Variants in ACSF2 observed in about 807,000 individuals in gnomAD.
ACSF2 encodes the protein acyl-CoA synthetase family member 2, also known as medium-chain acyl-CoA ligase ACSF2, mitochondrial.
ACSF2 carries 52 observed loss-of-function variants against 79.3 expected under a neutral mutation model. That is an observed-to-expected ratio of 0.66 (90% CI 0.53 to 0.83). The LOEUF (loss-of-function observed/expected upper bound fraction) is 0.83. Among genes scored for constraint, ACSF2 ranks in the 40% least tolerant of loss-of-function variants. ACSF2 has a pLI of 0.00. For synonymous variants in ACSF2, 283 were observed against 312.6 expected (o/e 0.91, Z 1.00); for missense variants, 661 against 803.3 (o/e 0.82, Z 2.14).
chr17:50,427,864 G>T (rs1915141405), intron 1 of ACSF2, among the ~76,000 whole-genome samples: 1 of 152,188 alleles, frequency 6.6e-6, no homozygotes, highest in African/African-American at 2.4e-5. Flanking sequence ...AAGCTTCAGA[G>T]AAATTCTTAT....
chr17:50,467,955 G>A lies in ACSF2; in HGVS notation c.1216-3073G>A, dbSNP rs567400128. On this transcript the variant is annotated intron_variant, in intron 10 of 15. Transcript: ENST00000300441. ...GAGGGACAGGGAACCTGGGGACGGGGGATGGTGCCAGCTGTGGCCCTGGCT... is the reference window on the plus strand; with the variant it reads ...GAGGGACAGGGAACCTGGGGACGGGAGATGGTGCCAGCTGTGGCCCTGGCT... 3.6e-6 allele frequency: 5 copies of A among 1,402,796 alleles called. No individual in the cohort carries two copies. The African/African-American group carries it at 4.3e-5, about 12-fold the overall frequency. The allele number at this position is 1,402,796 out of a possible 1,614,324, so 86.9% of individuals were successfully genotyped here.
chr17:50,473,447 G>A, intron 12 of ACSF2: 5 of 587,800 alleles, frequency 8.5e-6, no homozygotes, highest in South Asian at 4.1e-5. Flanking sequence ...TGTGTTGAGA[G>A]AGACAGAATA....
intron 2 of ACSF2, 49 bp from the exon 3 acceptor site, chr17:50,461,193 C>T: frequency 6.2e-7 from 1 of 1,612,528 alleles, no homozygotes; most frequent in Non-Finnish European, 8.5e-7. Context: ...GTCTTGGGCC[C>T]CTTCCTGCTT....
At position 50,472,400 on chromosome 17, in the gene ACSF2, G is replaced by A. The variant is rs1407980255; in HGVS notation, c.1324-28G>A. The A allele has an allele frequency of 1.9e-6, 3 of 1,603,340 alleles. No individual in the cohort carries two copies. In the South Asian group the frequency reaches 3.4e-5, roughly 18 times the overall value. Reference sequence around the variant, plus strand: ...CTATCCTGAAGCAAGAGGATAGGAAGCCCCAACCTGAGGCCATCCTGTCCC... The same window carrying A: ...CTATCCTGAAGCAAGAGGATAGGAAACCCCAACCTGAGGCCATCCTGTCCC... On this transcript the variant is annotated intron_variant, in intron 11 of 15. Coordinates refer to ENST00000300441, the MANE Select transcript of ACSF2 (RefSeq NM_025149.6).
At chr17:50,468,376 C>T (rs749134619) in intron 10 of ACSF2, 4 of 1,614,042 alleles carry the variant, frequency 2.5e-6, no homozygotes, top group African/African-American at 2.7e-5. Context: ...AGAGGTTGAC[C>T]AGCGGGGAGA....
At chr17:50,466,559 C>G (rs1044882587) in intron 10 of ACSF2, among the ~76,000 whole-genome samples, 33 of 152,302 alleles carry the variant, frequency 2.2e-4, no homozygotes, top group African/African-American at 7.7e-4. Flanking sequence ...GAGTTTGGCC[C>G]CAGCAATCCA....
chr17:50,470,917 C>G, intron 10 of ACSF2, 111 bp from the exon 11 acceptor site: 20 of 780,450 alleles, frequency 2.6e-5, no homozygotes, highest in Non-Finnish European at 3.7e-5. Flanking sequence ...CATTCGGCTG[C>G]CCTCCACTTT....
At chr17:50,468,444 C>T (rs770831671) in intron 10 of ACSF2, 9 of 1,614,138 alleles carry the variant, frequency 5.6e-6, no homozygotes, top group East Asian at 4.5e-5. Context: ...TAGGTCAGCT[C>T]GGTCAGGTCG....
In ACSF2 at chr17:50,471,058, G is replaced by A. The variant is rs142467151; in HGVS notation, c.1246G>A (p.Val416Met). ...TTATGGAACCACAGAGAACAGTCCC[G>A]TGACATTCGCGCACTTCCCTGAGGA... ...VAYGTTENSP[V>M]TFAHFPEDTV... Residue 416 changes from valine to methionine, a missense_variant, in exon 11 of 16, where the codon GTG becomes ATG. By Grantham distance (21) the Val-to-Met change is conservative (BLOSUM62 1). Coordinates refer to ENST00000300441, the MANE Select transcript of ACSF2 (RefSeq NM_025149.6). This position sits in a 1 kb window ranked among gnomAD's most constrained non-coding sequence, Gnocchi z 4.1. 2,428 of 1,614,030 alleles carry A rather than the reference G, an allele frequency of 1.5e-3. 7 individuals are homozygous for A. The highest frequency in any genetic ancestry group is 1.3e-3 in the Non-Finnish European group (1,565 of 1,179,996).
rs1363290702 is a variant in ACSF2 at position 50,426,378 on chromosome 17, C to A, written c.117C>A (p.Val39=). 4.4e-6 allele frequency: 6 copies of A among 1,376,248 alleles called. No homozygotes were observed. Among genetic ancestry groups the A allele is most frequent in the Non-Finnish European group, 4.7e-6 (5 of 1,057,728 alleles). The allele number at this position is 1,376,248 out of a possible 1,614,324, so 85.3% of individuals were successfully genotyped here. A position where few individuals can be genotyped will look rare whatever the true frequency, so the allele number is the denominator to read the frequency against. ...GGCAGGAAGCCAGGTTGCAGGGTGT[C>A]CGCTTCCTCAGGTACTGGCCCCCCG... ...RSWQEARLQG[V]RFLSSREVDR... is the part of the protein sequence containing the mutation. Residue 39 remains valine, a synonymous_variant, in exon 1 of 16, where the codon GTC becomes GTA. Coordinates refer to ENST00000300441, the MANE Select transcript of ACSF2 (RefSeq NM_025149.6).
chr17:50,457,797 G>C (rs749212752), intron 1 of ACSF2, among the ~76,000 whole-genome samples: 42 of 152,190 alleles, frequency 2.8e-4, no homozygotes, highest in Non-Finnish European at 5.3e-4. Flanking sequence ...CTGGCACATA[G>C]TAGGTGCTCA....
intron 1 of ACSF2, among the ~76,000 whole-genome samples, chr17:50,454,457 T>C (rs1253436951): frequency 1.3e-5 from 2 of 152,264 alleles, no homozygotes; most frequent in East Asian, 3.9e-4. Context: ...GTGTGGTAGC[T>C]CCTGCTGTCC....
chr17:50,467,798 C>A (rs138899407), intron 10 of ACSF2: 1 of 477,030 alleles, frequency 2.1e-6, no homozygotes, highest in Non-Finnish European at 3.7e-6. Context: ...GGGGCCAGGG[C>A]AGTCCCACTC....
intron 1 of ACSF2, among the ~76,000 whole-genome samples, chr17:50,435,479 C>T (rs1012423611): frequency 6.6e-6 from 1 of 151,848 alleles, no homozygotes; most frequent in Non-Finnish European, 1.5e-5. Flanking sequence ...GGTGCAACCA[C>T]GGCTCAGTGC....
chr17:50,473,624 C>T, intron 12 of ACSF2, 41 bp from the exon 13 acceptor site: 1 of 1,613,068 alleles, frequency 6.2e-7, no homozygotes, highest in Non-Finnish European at 8.5e-7. Flanking sequence ...AGTGAGTGAA[C>T]AAGGCAGAGA....
At position 50,463,076 on chromosome 17, in the gene ACSF2, T is replaced by A; in HGVS notation, c.793-80T>A. On this transcript the variant is annotated intron_variant, in intron 6 of 15. Transcript: ENST00000300441. The surrounding 1 kb of genome is among the most constrained non-coding windows in gnomAD (Gnocchi z 4.6). Reference sequence around the variant, plus strand: ...ACAATCCCTGTCTCCTGATTCCCGGTCCCGTGCTCTTCAAGGCAGTGGCCC... The same window carrying A: ...ACAATCCCTGTCTCCTGATTCCCGGACCCGTGCTCTTCAAGGCAGTGGCCC... The A allele has an allele frequency of 8.6e-7, 1 of 1,164,044 alleles. No homozygotes were observed. The highest frequency in any genetic ancestry group is 1.3e-6 in the Non-Finnish European group (1 of 789,902). The allele number at this position is 1,164,044 out of a possible 1,614,324, so 72.1% of individuals were successfully genotyped here.
intron 1 of ACSF2, among the ~76,000 whole-genome samples, chr17:50,428,283 C>CAACAT (rs1915193282): frequency 7.9e-5 from 12 of 151,346 alleles, no homozygotes; most frequent in African/African-American, 2.9e-4. Flanking sequence ...GTCAGGAGAC[C>CAACAT]GGTTTGGCCA....
Position 50,474,496 on chromosome 17 carries a change from C to T in ACSF2, c.1798-6C>T. The T allele has an allele frequency of 6.2e-7, 1 of 1,614,082 alleles. No homozygotes were observed. The highest frequency in any genetic ancestry group is 8.5e-7 in the Non-Finnish European group (1 of 1,179,922). ...GGTAACCCTAACTCCATTTTCTTTC[C>T]TCTAGATCCAGAAATTCAAACTTCG... On this transcript the variant is annotated splice_polypyrimidine_tract_variant and splice_region_variant and intron_variant, in intron 15 of 15. Transcript: ENST00000300441. The surrounding 1 kb of genome is among the most constrained non-coding windows in gnomAD (Gnocchi z 4.2).
intron 1 of ACSF2, among the ~76,000 whole-genome samples, chr17:50,454,715 C>T (rs2031884999): frequency 6.6e-6 from 1 of 152,148 alleles, no homozygotes; most frequent in Non-Finnish European, 1.5e-5. Flanking sequence ...GGTCTTTATT[C>T]CACACAACGT....
Sources: allele counts gnomAD v4.1 joint callset (sites outside exome capture counted in the v4.1 genomes callset), GRCh38; gene constraint gnomAD v4.1.1; non-coding constraint Gnocchi (gnomAD v3.1); transcripts MANE v1.5; gene names NCBI Gene and HGNC (gene_info 2026-07-23, HGNC 2026-07-21).